RTN4: variants seen among roughly 807,000 people sequenced by gnomAD.
The protein encoded by RTN4 is reticulon-4.
RTN4 carries 32 observed loss-of-function variants against 90.4 expected under a neutral mutation model. The ratio of observed to expected loss-of-function variants is 0.35; its 90% CI spans 0.27 to 0.48. The LOEUF (loss-of-function observed/expected upper bound fraction) is 0.48. RTN4 is among the 20% of genes least tolerant of loss of function. RTN4 has a pLI of 0.99. For synonymous variants in RTN4, 629 were observed against 552.5 expected, an observed-to-expected ratio of 1.14 and a Z score of -1.94; for missense variants, 1,706 against 1,430.2, an observed-to-expected ratio of 1.19 and a Z score of -3.11.
chr2:55,114,553 G>T (rs1423502062), upstream of RTN4, among the ~76,000 whole-genome samples: 1 of 152,178 alleles, frequency 6.6e-6, no homozygotes, highest in Non-Finnish European at 1.5e-5. Context: ...ACAAAAATTA[G>T]ATGAGCGTGG....
chr2:55,097,998 A>G (rs1009602633), intron 1 of RTN4, among the ~76,000 whole-genome samples: 4 of 151,894 alleles, frequency 2.6e-5, no homozygotes, highest in East Asian at 3.9e-4. Flanking sequence ...CCTTCCCCCA[A>G]TCTCTTTTTC....
At chr2:54,977,729 T>C (rs139911535) in intron 5 of RTN4, among the ~76,000 whole-genome samples, 255 of 152,302 alleles carry the variant, frequency 1.7e-3, no homozygotes, top group African/African-American at 5.7e-3. Context: ...ACAGTGATTT[T>C]TGCCATACTA....
chr2:55,109,072 C>A (rs192979814), intron 1 of RTN4, among the ~76,000 whole-genome samples: 16 of 152,126 alleles, frequency 1.1e-4, no homozygotes, highest in South Asian at 1.0e-3. Context: ...ATACATCGAA[C>A]CTTTAAACAC....
chr2:55,064,318 T>G (rs1347145330), intron 2 of RTN4, among the ~76,000 whole-genome samples: 1 of 151,356 alleles, frequency 6.6e-6, no homozygotes, highest in Non-Finnish European at 1.5e-5. Context: ...TGGCAACAAT[T>G]ATTCATATTT....
chr2:55,026,436 C>G lies in RTN4; in HGVS notation c.1663G>C (p.Val555Leu). ...AATTCACTTTCACATGCTTCCTGTACTAAATCTGGAGTCAGGCCTTCAGGC... is the reference window on the plus strand; with the variant it reads ...AATTCACTTTCACATGCTTCCTGTAGTAAATCTGGAGTCAGGCCTTCAGGC... ...NMPEGLTPDL[V>L]QEACESELNE... Residue 555 changes from valine (V) to leucine (L), a missense_variant, in exon 3 of 9, where the codon GTA becomes CTA. Transcript: ENST00000337526. The G allele has an allele frequency of 6.2e-7, 1 of 1,613,900 alleles. No homozygotes were observed. The highest frequency in any genetic ancestry group is 8.5e-7 in the Non-Finnish European group (1 of 1,179,894).
At chr2:55,115,517 A>G (rs1333851424), upstream of RTN4, among the ~76,000 whole-genome samples, 1 of 152,222 alleles carries the variant, frequency 6.6e-6, no homozygotes, top group African/African-American at 2.4e-5. Context: ...TTTGCCCACC[A>G]CACTGTAGAA....
the RTN4 span, among the ~76,000 whole-genome samples, chr2:55,132,639 C>T: frequency 6.6e-6 from 1 of 151,836 alleles, no homozygotes; most frequent in African/African-American, 2.4e-5. Context: ...TGGTATACCC[C>T]TGTCTCTACA....
intron 1 of RTN4, among the ~76,000 whole-genome samples, chr2:55,106,347 T>C (rs961034195): frequency 6.6e-6 from 1 of 151,962 alleles, no homozygotes; most frequent in African/African-American, 2.4e-5. Flanking sequence ...TAATCATCTG[T>C]GCATATATCT....
chr2:55,049,704 G>A (rs932707372), intron 1 of RTN4, 41 bp downstream of exon 1: 9 of 1,418,644 alleles, frequency 6.3e-6, no homozygotes, highest in Non-Finnish European at 7.4e-6. Context: ...AAGAGGGAGG[G>A]GCGCGAGGGG....
At chr2:55,113,073 C>A (rs1668066421), upstream of RTN4, among the ~76,000 whole-genome samples, 1 of 152,034 alleles carries the variant, frequency 6.6e-6, no homozygotes, top group African/African-American at 2.4e-5. Context: ...ATTCCAGGGC[C>A]CCAAAAACCA....
intron 1 of RTN4, among the ~76,000 whole-genome samples, chr2:55,087,280 G>A (rs1378077161): frequency 6.6e-6 from 1 of 152,042 alleles, no homozygotes; most frequent in Non-Finnish European, 1.5e-5. Context: ...CATTTTTACT[G>A]GAAACTGCCA....
chr2:55,100,883 T>C (rs1434641327), intron 1 of RTN4, among the ~76,000 whole-genome samples: 8 of 151,846 alleles, frequency 5.3e-5, no homozygotes, highest in African/African-American at 9.7e-5. Context: ...TTAGCATTTT[T>C]TTTTTTTACT....
intron 2 of RTN4, among the ~76,000 whole-genome samples, chr2:55,075,732 T>C (rs1419970316): frequency 6.6e-6 from 1 of 152,120 alleles, no homozygotes; most frequent in African/African-American, 2.4e-5. Flanking sequence ...AGTACTGGTA[T>C]AAAAATAGGC....
chr2:54,991,351 G>T (rs976970690), intron 3 of RTN4, among the ~76,000 whole-genome samples: 5 of 152,086 alleles, frequency 3.3e-5, no homozygotes, highest in Non-Finnish European at 1.5e-5. Flanking sequence ...TGTTTAAACA[G>T]GTGTAGTGAC....
At chr2:55,101,968 A>G (rs930731421) in intron 1 of RTN4, among the ~76,000 whole-genome samples, 2 of 152,116 alleles carry the variant, frequency 1.3e-5, no homozygotes, top group African/African-American at 4.8e-5. Flanking sequence ...GGAAAAATAG[A>G]GTGAAATCTT....
chr2:55,134,949 C>T, the RTN4 span, among the ~76,000 whole-genome samples: 5 of 152,120 alleles, frequency 3.3e-5, no homozygotes, highest in African/African-American at 1.2e-4. Context: ...AAATGTGAGT[C>T]GGAAGTGAGC....
chr2:55,021,482 T>C (rs1249650860), intron 3 of RTN4, among the ~76,000 whole-genome samples: 5 of 137,610 alleles, frequency 3.6e-5, no homozygotes, highest in Non-Finnish European at 8.1e-5. Flanking sequence ...TTTTTTTTTG[T>C]CTTTTTTTTC....
At chr2:55,055,530 G>A (rs538964112), upstream of RTN4, among the ~76,000 whole-genome samples, 42 of 152,278 alleles carry the variant, frequency 2.8e-4, no homozygotes, top group African/African-American at 8.2e-4. Context: ...CACTTTGGGA[G>A]GCCAAGGCAG....
the RTN4 span, among the ~76,000 whole-genome samples, chr2:55,126,569 C>A: frequency 6.6e-6 from 1 of 152,174 alleles, no homozygotes; most frequent in Non-Finnish European, 1.5e-5. Flanking sequence ...CACTTATACG[C>A]TGTTGGTGGG....
Sources: gnomAD v4.1 joint callset for allele counts (sites outside exome capture counted in the v4.1 genomes callset) on GRCh38, gnomAD v4.1.1 for gene constraint, MANE v1.5 for transcripts, NCBI Gene and HGNC (gene_info 2026-07-23, HGNC 2026-07-21) for gene names.